RALGPS2: variants seen among roughly 807,000 people sequenced by gnomAD.
The protein encoded by RALGPS2 is ras-specific guanine nucleotide-releasing factor RalGPS2.
RALGPS2 carries 43 observed loss-of-function variants against 86.8 expected under a neutral mutation model. The observed-to-expected ratio is 0.50, with a 90% CI of 0.39 to 0.64. The LOEUF is 0.64. RALGPS2 is among the 30% of genes least tolerant of loss of function. The probability of loss-of-function intolerance (pLI) is 0.00; values close to 1 mark genes in which losing one functional copy is unlikely to be tolerated. For missense variants in RALGPS2, 536 were observed against 694.6 expected (o/e 0.77, Z 2.57); for synonymous variants, 243 against 231.3 (o/e 1.05, Z -0.46).
At chr1:178,771,491 G>A (rs1286957904) in intron 1 of RALGPS2, among the ~76,000 whole-genome samples, 1 of 152,154 alleles carries the variant, frequency 6.6e-6, no homozygotes, top group Non-Finnish European at 1.5e-5. Context: ...GGCACATGAT[G>A]TCTCTCTTTT....
rs773127077 is a variant in RALGPS2 at position 178,811,317 on chromosome 1, A to G, written c.300A>G (p.Val100=). 3.8e-5 allele frequency: 58 copies of G among 1,532,950 alleles called. No homozygotes were observed. Among genetic ancestry groups the G allele is most frequent in the Middle Eastern group, 3.5e-4 (2 of 5,720 alleles). 95.0% of individuals were successfully genotyped at this position (1,532,950 alleles called of 1,614,324 possible). A position where few individuals can be genotyped will look rare whatever the true frequency, so the allele number is the denominator to read the frequency against. The stretch of plus-strand genomic sequence containing the variant: ...TTATTTAAAATTTTTATTTACAGGT[A>G]AGCTTTTGGGTTGTTAGAGAGATTC... ...AVAFTRRFNH[V]SFWVVREILH... Residue 100 remains valine (V), a splice_region_variant and synonymous_variant, in exon 6 of 20, where the codon GTA becomes GTG. Coordinates refer to ENST00000367635, the MANE Select transcript of RALGPS2 (RefSeq NM_152663.5).
At chr1:178,896,480 T>TA (rs1659943180) in intron 16 of RALGPS2, among the ~76,000 whole-genome samples, 1 of 149,940 alleles carries the variant, frequency 6.7e-6, no homozygotes, top group Non-Finnish European at 1.5e-5. Context: ...TTTTTTTTTT[T>TA]ATTATACTTT....
intron 8 of RALGPS2, among the ~76,000 whole-genome samples, chr1:178,839,846 G>A (rs1656495420): frequency 1.3e-5 from 2 of 152,040 alleles, no homozygotes; most frequent in South Asian, 4.2e-4. Flanking sequence ...ACAAAAAAAG[G>A]GGTTGCGATC....
At chr1:178,856,202 G>GATATATATATATATATATATAT (rs55797277) in intron 8 of RALGPS2, among the ~76,000 whole-genome samples, 26 of 83,898 alleles carry the variant, frequency 3.1e-4, no homozygotes, top group African/African-American at 1.3e-3. Context: ...GAGAGAGAGA[G>GATATATATATATATATATATAT]ATATATATAT....
chr1:178,818,220 CATGG>C (rs1367277436), intron 6 of RALGPS2, among the ~76,000 whole-genome samples: 12 of 152,084 alleles, frequency 7.9e-5, no homozygotes, highest in Non-Finnish European at 1.5e-5. Context: ...ATTAGCCATG[CATGG>C]TGGGGCTCTC....
At chr1:178,789,230 G>A (rs7519227) in intron 4 of RALGPS2, among the ~76,000 whole-genome samples, 1,824 of 152,286 alleles carry the variant, frequency 0.012, 54 homozygotes, top group African/African-American at 0.042. Context: ...TGATACTGCT[G>A]ACTAGGATAT....
intron 8 of RALGPS2, chr1:178,865,611 G>T: frequency 6.2e-7 from 1 of 1,613,936 alleles, no homozygotes; most frequent in Non-Finnish European, 8.5e-7. Flanking sequence ...CTTTGTTCAG[G>T]TACCAGGAAT....
intron 4 of RALGPS2, among the ~76,000 whole-genome samples, chr1:178,807,328 C>T (rs1654790800): frequency 6.6e-6 from 1 of 152,046 alleles, no homozygotes; most frequent in Admixed American, 6.6e-5. Context: ...GAGGAAGACC[C>T]TGTCTCAAAA....
chr1:178,742,141 AAAAAAAAAAAG>A (rs1381488326), intron 1 of RALGPS2, among the ~76,000 whole-genome samples: 2 of 151,548 alleles, frequency 1.3e-5, no homozygotes, highest in East Asian at 3.9e-4. Context: ...TCAAAAAAAA[AAAAAAAAAAAG>A]AAGAAGAAGC....
intron 4 of RALGPS2, among the ~76,000 whole-genome samples, chr1:178,802,740 A>G (rs1270646975): frequency 6.6e-6 from 1 of 152,222 alleles, no homozygotes; most frequent in East Asian, 1.9e-4. Flanking sequence ...TCTGGACTGC[A>G]TATGGCAGCA....
intron 1 of RALGPS2, among the ~76,000 whole-genome samples, chr1:178,764,947 T>G (rs1160583690): frequency 2.6e-5 from 4 of 152,048 alleles, no homozygotes; most frequent in African/African-American, 9.7e-5. Flanking sequence ...TCTCATGAGA[T>G]CTGGTTGTTG....
intron 8 of RALGPS2, among the ~76,000 whole-genome samples, chr1:178,862,589 TTTTTTTTATTTATTTATTTA>T (rs1658103534): frequency 7.7e-6 from 1 of 129,424 alleles, no homozygotes; most frequent in African/African-American, 3.2e-5. Flanking sequence ...AGGAGTTGCA[TTTTTTTTATTTATTTATTTA>T]TTTATTTATT....
intron 2 of RALGPS2, among the ~76,000 whole-genome samples, chr1:178,782,152 A>G (rs1653424292): frequency 6.6e-6 from 1 of 152,200 alleles, no homozygotes; most frequent in African/African-American, 2.4e-5. Flanking sequence ...ATCACAGCTT[A>G]CGGGAGCAGA....
At chr1:178,828,540 G>C (rs962075990) in intron 7 of RALGPS2, among the ~76,000 whole-genome samples, 1 of 152,154 alleles carries the variant, frequency 6.6e-6, no homozygotes, top group African/African-American at 2.4e-5. Flanking sequence ...TCGTTTTGCA[G>C]CACATGACTG....
Position 178,745,550 on chromosome 1 carries a change from G to C in RALGPS2, c.-84+20131G>C, listed in dbSNP as rs527398998. Among the ~76,000 whole-genome samples, 5 of 152,300 alleles carry C rather than the reference G, an allele frequency of 3.3e-5. No individual in the cohort carries two copies. The East Asian group carries it at 9.6e-4, about 29-fold the overall frequency. ...AAGGATAGTCTATTCAACAAATAAT[G>C]CTGGCACAAAATGGATATCCAAATG... On this transcript the variant is annotated intron_variant, in intron 1 of 19. Coordinates refer to ENST00000367635, the MANE Select transcript of RALGPS2 (RefSeq NM_152663.5).
chr1:178,778,771 A>G (rs962292210), intron 2 of RALGPS2, among the ~76,000 whole-genome samples: 8 of 150,834 alleles, frequency 5.3e-5, no homozygotes, highest in Admixed American at 1.3e-4. Context: ...GGAAATCATC[A>G]TTCTCAGTAA....
At chr1:178,877,816 T>C (rs1659064804) in intron 9 of RALGPS2, among the ~76,000 whole-genome samples, 181 bp downstream of exon 9, 1 of 152,134 alleles carries the variant, frequency 6.6e-6, no homozygotes, top group African/African-American at 2.4e-5. Context: ...CTGTTTAAGA[T>C]CTTGCTTTTA....
At chr1:178,844,415 A>T (rs1165571948) in intron 8 of RALGPS2, among the ~76,000 whole-genome samples, 3 of 152,144 alleles carry the variant, frequency 2.0e-5, no homozygotes, top group African/African-American at 7.2e-5. Context: ...TTATTTTGAT[A>T]CCACCAAATT....
intron 4 of RALGPS2, among the ~76,000 whole-genome samples, chr1:178,787,412 ATAT>A (rs1653708790): frequency 6.6e-6 from 1 of 152,338 alleles, no homozygotes; most frequent in Admixed American, 6.5e-5. Flanking sequence ...TACATACAAA[ATAT>A]TATCGTTTCA....
Sources: gnomAD v4.1 joint callset for allele counts (sites outside exome capture counted in the v4.1 genomes callset) on GRCh38, gnomAD v4.1.1 for gene constraint, MANE v1.5 for transcripts, NCBI Gene and HGNC (gene_info 2026-07-23, HGNC 2026-07-21) for gene names.